Variants in CYP4A22 observed in about 807,000 individuals in gnomAD.
The protein encoded by CYP4A22 is cytochrome P450 4A22.
A neutral mutation model predicts 56.2 loss-of-function variants in CYP4A22; 46 were observed. The observed-to-expected ratio is 0.82, with a 90% CI of 0.65 to 1.05. The LOEUF is 1.05. Ranked by LOEUF, CYP4A22 falls within the 50% of genes least tolerant of loss-of-function variation. CYP4A22 has a pLI of 0.00. For synonymous variants in CYP4A22, 193 were observed against 251.1 expected (o/e 0.77, Z 2.19); for missense variants, 541 against 645.9 (o/e 0.84, Z 1.76).
At chr1:47,139,035 C>T (rs527965305) in intron 1 of CYP4A22, among the ~76,000 whole-genome samples, 2 of 152,374 alleles carry the variant, frequency 1.3e-5, no homozygotes, top group African/African-American at 2.4e-5. Flanking sequence ...CCTATATGGA[C>T]TGGTCCCAAT....
rs571847023 is a variant in CYP4A22 at position 47,141,016 on chromosome 1, C to T, written c.337+95C>T. On this transcript the variant is annotated intron_variant, in intron 2 of 11. Transcript: ENST00000371891. ...TTCCAGAAGAGAGTGGCTGTTCAAA[C>T]ATCAATATCTGAAACCTCTCCCACG... 21 of 1,548,890 alleles carry T rather than the reference C, an allele frequency of 1.4e-5. No homozygotes were observed. In the African/African-American group the frequency reaches 1.9e-4, roughly 14 times the overall value.
Position 47,137,631 on chromosome 1 carries a change from A to G in CYP4A22, c.146A>G (p.Gln49Arg). The G allele has an allele frequency of 6.2e-7, 1 of 1,614,094 alleles. No homozygotes were observed. The change falls in exon 1 of 12, where the codon CAG becomes CGG. Residue 49 changes from glutamine to arginine, a missense_variant. Gln to Arg is a conservative substitution (Grantham distance 43, BLOSUM62 1). Around this residue, in one of 3 missense-constraint regions of CYP4A22, gnomAD observed 335 missense variants for 361.2 expected, o/e 0.93. Transcript: ENST00000371891. ...LHRQWLLKAL[Q>R]QFPCPPSHWL... is the part of the protein sequence containing the mutation. ...AGGCAGTGGCTGCTCAAAGCCCTCC[A>G]GCAGTTCCCGTGCCCTCCCTCCCAC...
chr1:47,137,526 G>T lies in CYP4A22; in HGVS notation c.41G>T (p.Gly14Val), dbSNP rs200121806. ...CTGAGCCCCAGCAGACGCCTGGGTG[G>T]TGTCTCCGGGATCCTCCAAGTGACC... The part of the protein sequence containing the change: ...SVLSPSRRLG[G>V]VSGILQVTSL... The change falls in exon 1 of 12, where the codon GGT (glycine) becomes GTT (valine). Residue 14 changes from glycine (G) to valine (V), a missense_variant. Gly to Val is a moderately radical substitution (Grantham distance 109). Around this residue, in one of 3 missense-constraint regions of CYP4A22, gnomAD observed 335 missense variants for 361.2 expected, o/e 0.93. Coordinates refer to ENST00000371891, the MANE Select transcript of CYP4A22 (RefSeq NM_001010969.4). The T allele has an allele frequency of 1.2e-6, 2 of 1,613,976 alleles. No homozygotes were observed. Among genetic ancestry groups the T allele is most frequent in the Non-Finnish European group, 1.7e-6 (2 of 1,179,966 alleles).
chr1:47,140,327 T>G (rs17102891), intron 1 of CYP4A22, among the ~76,000 whole-genome samples: 1,755 of 152,306 alleles, frequency 0.012, 28 homozygotes, highest in African/African-American at 0.04. Context: ...TGCTATTTTA[T>G]CTCAACAAAT....
In CYP4A22 at chr1:47,140,822, A is replaced by G. The variant is rs547934003; in HGVS notation, c.238A>G (p.Lys80Glu). 3.7e-6 allele frequency: 6 copies of G among 1,614,182 alleles called. No individual in the cohort carries two copies. In the Admixed American group the frequency reaches 8.3e-5, roughly 22 times the overall value. Residue 80 changes from lysine (K) to glutamate (E), a missense_variant, in exon 2 of 12, where the codon AAG (lysine) becomes GAG (glutamate). Coordinates refer to ENST00000371891, the MANE Select transcript of CYP4A22 (RefSeq NM_001010969.4). ...QELQRIQERV[K>E]TFPSACPYWI... ...GCTACAACGGATTCAGGAACGGGTGAAGACATTCCCAAGTGCCTGTCCTTA... is the reference window on the plus strand; with the variant it reads ...GCTACAACGGATTCAGGAACGGGTGGAGACATTCCCAAGTGCCTGTCCTTA...
chr1:47,142,027 C>T, intron 3 of CYP4A22, 81 bp from the exon 4 acceptor site: 1 of 1,524,864 alleles, frequency 6.6e-7, no homozygotes, highest in Non-Finnish European at 8.8e-7. Context: ...CCACCTTTCT[C>T]CCTCCCAAAT....
At chr1:47,138,468 G>A (rs1366770219) in intron 1 of CYP4A22, among the ~76,000 whole-genome samples, 1 of 152,136 alleles carries the variant, frequency 6.6e-6, no homozygotes, top group Non-Finnish European at 1.5e-5. Flanking sequence ...CCTGTGCCCC[G>A]GCAATCAGCA....
At chr1:47,139,368 T>C (rs1431187278) in intron 1 of CYP4A22, among the ~76,000 whole-genome samples, 2 of 152,258 alleles carry the variant, frequency 1.3e-5, no homozygotes, top group African/African-American at 4.8e-5. Context: ...CTCTGATTTA[T>C]GTTTGTAACC....
intron 3 of CYP4A22, 102 bp from the exon 4 acceptor site, chr1:47,142,006 C>A: frequency 6.7e-7 from 1 of 1,499,194 alleles, no homozygotes. Flanking sequence ...GATAGTTCTT[C>A]CCCCAGGAAG....
intron 10 of CYP4A22, 60 bp from the exon 11 acceptor site, chr1:47,146,017 C>T (rs1645072084): frequency 1.2e-6 from 2 of 1,614,036 alleles, no homozygotes; most frequent in Admixed American, 1.7e-5. Context: ...ACTGTACCCT[C>T]ATGGGTGGCA....
chr1:47,139,582 G>A (rs111785929), intron 1 of CYP4A22, among the ~76,000 whole-genome samples: 8 of 150,948 alleles, frequency 5.3e-5, no homozygotes, highest in East Asian at 2.0e-4. Flanking sequence ...CCACAGCTGT[G>A]TCCTAACGCA....
chr1:47,145,363 T>A (rs1462137048), intron 9 of CYP4A22, among the ~76,000 whole-genome samples: 1 of 152,148 alleles, frequency 6.6e-6, no homozygotes, highest in Non-Finnish European at 1.5e-5. Flanking sequence ...ACCCTCAGGT[T>A]GATGGCAGAG....
At chr1:47,148,119 T>C (rs1388882703) in intron 11 of CYP4A22, among the ~76,000 whole-genome samples, 1 of 152,106 alleles carries the variant, frequency 6.6e-6, no homozygotes, top group African/African-American at 2.4e-5. Context: ...CTGACTCCCT[T>C]AATACACCCA....
Position 47,144,273 on chromosome 1 carries a change from C to A in CYP4A22, c.791-84C>A. 5 of 1,526,776 alleles carry A rather than the reference C, an allele frequency of 3.3e-6. No individual in the cohort carries two copies. In the South Asian group the frequency reaches 6.1e-5, roughly 19 times the overall value. The allele number at this position is 1,526,776 out of a possible 1,614,324, so 94.6% of individuals were successfully genotyped here. Reference sequence around the variant, plus strand: ...ATTCATGCTGAGATCTACCAGGCACCCACACTGGGGCAGTTGGGCAGCTAG... The same window carrying A: ...ATTCATGCTGAGATCTACCAGGCACACACACTGGGGCAGTTGGGCAGCTAG... On this transcript the variant is annotated intron_variant, in intron 6 of 11. Coordinates refer to ENST00000371891, the MANE Select transcript of CYP4A22 (RefSeq NM_001010969.4).
Position 47,148,916 on chromosome 1 carries a change from T to A in CYP4A22, c.*119T>A. On this transcript the variant is annotated 3_prime_UTR_variant, in exon 12 of 12. Coordinates refer to ENST00000371891, the MANE Select transcript of CYP4A22 (RefSeq NM_001010969.4). Reference sequence around the variant, plus strand: ...TTCCCACCTGCCTGCTGTCCCCCAGTCTGCCTGCCCTTCTCTCTCTCACCT... The same window carrying A: ...TTCCCACCTGCCTGCTGTCCCCCAGACTGCCTGCCCTTCTCTCTCTCACCT... 1 of 1,217,318 alleles carries A rather than the reference T, an allele frequency of 8.2e-7. No homozygotes were observed. Among genetic ancestry groups the A allele is most frequent in the Admixed American group, 2.9e-5 (1 of 35,062 alleles). 75.4% of individuals were successfully genotyped at this position (1,217,318 alleles called of 1,614,324 possible).
chr1:47,143,090 C>T (rs1645030841), intron 4 of CYP4A22, among the ~76,000 whole-genome samples, 179 bp from the exon 5 acceptor site: 1 of 152,242 alleles, frequency 6.6e-6, no homozygotes, highest in Admixed American at 6.5e-5. Flanking sequence ...AGTTTACCAA[C>T]ACTGGCTTTA....
intron 2 of CYP4A22, 85 bp downstream of exon 2, chr1:47,141,006 G>T (rs1645003071): frequency 6.4e-7 from 1 of 1,564,176 alleles, no homozygotes; most frequent in Non-Finnish European, 8.7e-7. Flanking sequence ...GAAGAGAGTG[G>T]CTGTTCAAAC....
At chr1:47,141,548 T>C in intron 2 of CYP4A22, 23 bp from the exon 3 acceptor site, 1 of 1,612,970 alleles carries the variant, frequency 6.2e-7, no homozygotes, top group Admixed American at 1.7e-5. Context: ...TAGTTTCCTA[T>C]AAAGCCCTTT....
At chr1:47,141,816 A>T (rs894264470) in intron 3 of CYP4A22, among the ~76,000 whole-genome samples, 8 of 152,036 alleles carry the variant, frequency 5.3e-5, no homozygotes, top group Non-Finnish European at 1.0e-4. Context: ...CTTCCATTTC[A>T]TGTCTCAGTT....
Sources: gnomAD v4.1 joint callset for allele counts (sites outside exome capture counted in the v4.1 genomes callset) on GRCh38, gnomAD v4.1.1 for gene constraint, gnomAD v4.1.1 regional missense constraint, MANE v1.5 for transcripts, NCBI Gene and HGNC (gene_info 2026-07-23, HGNC 2026-07-21) for gene names.